The following HMGA2 variants were observed in gnomAD, a reference collection of about 807,000 sequenced individuals.
The protein encoded by HMGA2 is high mobility group protein HMGI-C.
Under a neutral mutation model 19.1 loss-of-function variants are expected in HMGA2, and 8 were observed. That is an observed-to-expected ratio of 0.42 (90% CI 0.25 to 0.76). The LOEUF is 0.76. HMGA2 is among the 30% of genes least tolerant of loss of function. The pLI is 0.28. For synonymous variants in HMGA2, 60 were observed against 48.8 expected, an observed-to-expected ratio of 1.23 and a Z score of -0.96; for missense variants, 109 against 136.3, an observed-to-expected ratio of 0.80 and a Z score of 1.00.
At chr12:65,941,500 G>A (rs1380607519) in intron 3 of HMGA2, among the ~76,000 whole-genome samples, 1 of 152,144 alleles carries the variant, frequency 6.6e-6, no homozygotes, top group Admixed American at 6.6e-5. Context: ...CCTAAAGTCA[G>A]CCCTAAACTA....
chr12:65,856,670 A>G (rs1055319509), intron 3 of HMGA2: 1 of 152,302 alleles, frequency 6.6e-6, no homozygotes. Context: ...GTCTGACATC[A>G]TGGTGTTGGC....
intron 3 of HMGA2, among the ~76,000 whole-genome samples, chr12:65,921,173 T>A (rs1875293979): frequency 6.6e-6 from 1 of 152,204 alleles, no homozygotes; most frequent in African/African-American, 2.4e-5. Flanking sequence ...TTGAGAGAGA[T>A]GATTTAGAGT....
chr12:65,902,399 A>T (rs1325092411), intron 3 of HMGA2, among the ~76,000 whole-genome samples: 1 of 152,210 alleles, frequency 6.6e-6, no homozygotes, highest in East Asian at 1.9e-4. Context: ...TTACACAAAA[A>T]TGAGACATTA....
rs570710285 is a variant in HMGA2 at position 65,919,442 on chromosome 12, A to G, written c.250-31941A>G. On this transcript the variant is annotated intron_variant, in intron 3 of 4. Coordinates refer to ENST00000403681, the MANE Select transcript of HMGA2 (RefSeq NM_003483.6). ...CCTATTCTGCTCTTGCCTGATTTTC[A>G]TAACAGTGGGTGAATGCAGAGATGC... is the stretch of plus-strand genomic sequence containing the variant. 6.6e-5 allele frequency among the ~76,000 whole-genome samples: 10 copies of G among 152,374 alleles called. No individual in the cohort carries two copies. In the South Asian group the frequency reaches 1.7e-3, roughly 25 times the overall value.
At chr12:65,844,050 CAAAAAAA>C (rs3048828) in intron 3 of HMGA2, among the ~76,000 whole-genome samples, 7 of 79,770 alleles carry the variant, frequency 8.8e-5, no homozygotes, top group East Asian at 3.4e-4. Flanking sequence ...GACTCCATCT[CAAAAAAA>C]AAAAAAAAAA....
chr12:65,848,204 C>T (rs912252095), intron 3 of HMGA2, among the ~76,000 whole-genome samples: 2 of 152,168 alleles, frequency 1.3e-5, no homozygotes, highest in African/African-American at 4.8e-5. Flanking sequence ...GGATTTTTGT[C>T]ACAATTTTGG....
intron 3 of HMGA2, among the ~76,000 whole-genome samples, chr12:65,854,071 T>C (rs993705606): frequency 1.1e-4 from 17 of 152,344 alleles, no homozygotes; most frequent in African/African-American, 4.1e-4. Context: ...TCAAAGTGTT[T>C]GTCATGAAAA....
At chr12:65,831,903 A>G (rs1870495471) in intron 2 of HMGA2, among the ~76,000 whole-genome samples, 1 of 151,940 alleles carries the variant, frequency 6.6e-6, no homozygotes, top group South Asian at 2.1e-4. Flanking sequence ...ATTATTGGTG[A>G]GTTAAGGAAA....
At chr12:65,905,491 A>G (rs1874554386) in intron 3 of HMGA2, among the ~76,000 whole-genome samples, 1 of 152,198 alleles carries the variant, frequency 6.6e-6, no homozygotes, top group Non-Finnish European at 1.5e-5. Context: ...TTACAGTTTT[A>G]TAGGTTGAGG....
intron 3 of HMGA2, among the ~76,000 whole-genome samples, chr12:65,893,615 G>A (rs1167256566): frequency 6.6e-6 from 1 of 152,180 alleles, no homozygotes; most frequent in African/African-American, 2.4e-5. Context: ...GAACCCTCTT[G>A]TGTTTGACTG....
intron 3 of HMGA2, chr12:65,915,081 G>C: frequency 6.2e-7 from 1 of 1,613,832 alleles, no homozygotes; most frequent in South Asian, 1.1e-5. Context: ...CCAAGAACCA[G>C]CTCCAAGAAG....
intron 3 of HMGA2, among the ~76,000 whole-genome samples, chr12:65,865,695 C>T (rs1021630691): frequency 6.9e-6 from 1 of 145,112 alleles, no homozygotes; most frequent in Non-Finnish European, 1.5e-5. Flanking sequence ...AGTGCAGTGG[C>T]TCAATCTCGG....
chr12:65,944,279 C>T (rs962737613), intron 3 of HMGA2, among the ~76,000 whole-genome samples: 2 of 152,202 alleles, frequency 1.3e-5, no homozygotes, highest in Middle Eastern at 3.4e-3. Flanking sequence ...CATTCTAGAC[C>T]TTCCTTGGAT....
At chr12:65,894,768 A>G (rs1450533396) in intron 3 of HMGA2, among the ~76,000 whole-genome samples, 2 of 152,236 alleles carry the variant, frequency 1.3e-5, no homozygotes, top group African/African-American at 2.4e-5. Flanking sequence ...ACCCCAAGGT[A>G]GAGACTTATT....
intron 3 of HMGA2, among the ~76,000 whole-genome samples, chr12:65,913,323 G>T (rs1874924383): frequency 6.6e-6 from 1 of 152,000 alleles, no homozygotes; most frequent in Non-Finnish European, 1.5e-5. Context: ...CTTTTCTCCG[G>T]GGTCAGTCAT....
chr12:65,922,328 T>C (rs1875345634), intron 3 of HMGA2, among the ~76,000 whole-genome samples: 1 of 152,146 alleles, frequency 6.6e-6, no homozygotes, highest in Non-Finnish European at 1.5e-5. Context: ...CCTAAGACCG[T>C]AGGAACCAAC....
intron 4 of HMGA2, chr12:65,954,998 T>C (rs1876563714): frequency 1.3e-5 from 2 of 152,100 alleles, no homozygotes; most frequent in Non-Finnish European, 2.9e-5. Flanking sequence ...CTGGCCAACA[T>C]GGTGAAGCCC....
At chr12:65,950,093 C>T (rs546591894) in intron 3 of HMGA2, among the ~76,000 whole-genome samples, 1 of 152,286 alleles carries the variant, frequency 6.6e-6, no homozygotes, top group African/African-American at 2.4e-5. Context: ...ACTCCAGATT[C>T]ATTGCTGGTG....
At chr12:65,860,176 C>T in intron 3 of HMGA2, 2 of 316,960 alleles carry the variant, frequency 6.3e-6, no homozygotes, top group South Asian at 5.1e-5. Context: ...CCTAGCCTAC[C>T]TTAAATATGC....
Sources: allele counts gnomAD v4.1 joint callset (sites outside exome capture counted in the v4.1 genomes callset), GRCh38; gene constraint gnomAD v4.1.1; transcripts MANE v1.5; gene names NCBI Gene and HGNC (gene_info 2026-07-23, HGNC 2026-07-21).